The following DCC variants were observed in gnomAD, a reference collection of about 807,000 sequenced individuals.
DCC encodes the protein netrin receptor DCC.
Under a neutral mutation model 172.5 loss-of-function variants are expected in DCC, and 58 were observed. The ratio of observed to expected loss-of-function variants is 0.34; its 90% CI spans 0.27 to 0.42. The LOEUF (loss-of-function observed/expected upper bound fraction) is 0.42. DCC is among the 10% of genes least tolerant of loss of function. The pLI, the probability that DCC is intolerant of heterozygous loss-of-function variation, is 1.00. For missense variants in DCC, 1,740 were observed against 1,791.0 expected (o/e 0.97, Z 0.51); for synonymous variants, 709 against 644.5 (o/e 1.10, Z -1.52).
intron 7 of DCC, among the ~76,000 whole-genome samples, chr18:53,082,930 C>T (rs925093744): frequency 6.6e-6 from 1 of 152,010 alleles, no homozygotes; most frequent in African/African-American, 2.4e-5. Context: ...TGAAATTCTA[C>T]ATCTCACTGA....
intron 12 of DCC, among the ~76,000 whole-genome samples, chr18:53,295,576 A>C (rs1407400621): frequency 1.3e-5 from 2 of 152,142 alleles, no homozygotes; most frequent in African/African-American, 4.8e-5. Flanking sequence ...AAATGTTGCT[A>C]TTTTGTAATT....
At chr18:53,149,410 A>G (rs1422569605) in intron 7 of DCC, among the ~76,000 whole-genome samples, 6 of 152,216 alleles carry the variant, frequency 3.9e-5, no homozygotes, top group Admixed American at 3.9e-4. Context: ...AGGCCCAGAG[A>G]GGCTAAATAC....
intron 14 of DCC, among the ~76,000 whole-genome samples, chr18:53,337,459 T>G (rs745518743): frequency 6.6e-5 from 10 of 152,236 alleles, no homozygotes; most frequent in Non-Finnish European, 1.2e-4. Context: ...CCTTTTCATC[T>G]CTTTTATTAC....
At chr18:53,484,012 TATA>T (rs1568161431) in intron 25 of DCC, among the ~76,000 whole-genome samples, 6 of 142,480 alleles carry the variant, frequency 4.2e-5, no homozygotes, top group Admixed American at 1.4e-4. Context: ...GATAGATAGA[TATA>T]GTGTGTGTGT....
At chr18:53,238,431 G>A (rs189572333) in intron 12 of DCC, among the ~76,000 whole-genome samples, 1 of 152,216 alleles carries the variant, frequency 6.6e-6, no homozygotes, top group African/African-American at 2.4e-5. Flanking sequence ...AAAGTTTTAT[G>A]ATATACACAG....
Position 53,269,059 on chromosome 18 carries a change from G to A in DCC, c.1912-36519G>A, listed in dbSNP as rs78486602. Among the ~76,000 whole-genome samples, 1,081 of 152,182 alleles carry A rather than the reference G, an allele frequency of 7.1e-3. 2 individuals are homozygous for A. The highest frequency in any genetic ancestry group is 0.012 in the Non-Finnish European group (813 of 68,012). On this transcript the variant is annotated intron_variant, in intron 12 of 28. Coordinates refer to ENST00000442544, the MANE Select transcript of DCC (RefSeq NM_005215.4). ...GGGGCAAGTTTTACTCAAGTTTAGA[G>A]TTCACAACAATTATCCTGATAGATG...
At chr18:52,918,888 T>C (rs1033846562) in intron 3 of DCC, among the ~76,000 whole-genome samples, 1 of 152,196 alleles carries the variant, frequency 6.6e-6, no homozygotes, top group Non-Finnish European at 1.5e-5. Flanking sequence ...TTTATGTATA[T>C]ATTTCAGTTA....
rs776117215 is a variant in DCC, at chr18:52,923,780, T to C, written c.771T>C (p.Ala257=). ...TAGTAGCCATTGAAGGAAAAGATGC[T>C]GTCCTGGAATGTTGTGTTTCTGGCT... ...SNVVAIEGKD[A]VLECCVSGYP... is the part of the protein sequence containing the mutation. The change falls in exon 4 of 29, where the codon GCT becomes GCC. Residue 257 remains alanine, a synonymous_variant. Coordinates refer to ENST00000442544, the MANE Select transcript of DCC (RefSeq NM_005215.4). 6.8e-6 allele frequency: 11 copies of C among 1,612,658 alleles called. No individual in the cohort carries two copies. The African/African-American group carries it at 8.0e-5, about 12-fold the overall frequency.
chr18:53,425,647 C>T (rs1910886505), intron 21 of DCC, among the ~76,000 whole-genome samples: 1 of 152,080 alleles, frequency 6.6e-6, no homozygotes, highest in South Asian at 2.1e-4. Flanking sequence ...CAGGAATGAG[C>T]CACTGCTCCT....
At position 52,667,721 on chromosome 18, in the gene DCC, G is replaced by T. The variant is rs572594126; in HGVS notation, c.92-84333G>T. ...AGGCTTACCAACTGCTTCCCCTGGA[G>T]GGGGAAGAGCTGGAGGGTGAGCAGA... is the stretch of plus-strand genomic sequence containing the variant. On this transcript the variant is annotated intron_variant, in intron 1 of 28. Transcript: ENST00000442544. Among the ~76,000 whole-genome samples the T allele has an allele frequency of 4.6e-5, 7 of 152,316 alleles. No individual in the cohort carries two copies. The East Asian group carries it at 1.2e-3, about 25-fold the overall frequency.
Position 53,526,511 on chromosome 18 carries a change from A to G in DCC, c.4112-106A>G, listed in dbSNP as rs1249491425. 5.8e-6 allele frequency: 7 copies of G among 1,201,820 alleles called. No homozygotes were observed. In the Admixed American group the frequency reaches 8.5e-5, roughly 15 times the overall value. The allele number at this position is 1,201,820 out of a possible 1,614,324, so 74.4% of individuals were successfully genotyped here. On this transcript the variant is annotated intron_variant, in intron 27 of 28. Coordinates refer to ENST00000442544, the MANE Select transcript of DCC (RefSeq NM_005215.4). ...TCATCTTTACACTACAGAATGAGCA[A>G]TAACCTAAAATCAATGCCAATCTCC...
rs541335658 is a variant in DCC, at chr18:53,006,320, A to G, written c.986-56985A>G. Among the ~76,000 whole-genome samples the G allele has an allele frequency of 7.2e-5, 11 of 152,306 alleles. No homozygotes were observed. The South Asian group carries it at 2.3e-3, about 32-fold the overall frequency. ...TCTCCTACCTAGATTGATTAGAGCAATTATTCTTAAGCATGGCAATGCTCA... is the reference window on the plus strand; with the variant it reads ...TCTCCTACCTAGATTGATTAGAGCAGTTATTCTTAAGCATGGCAATGCTCA... On this transcript the variant is annotated intron_variant, in intron 5 of 28. Coordinates refer to ENST00000442544, the MANE Select transcript of DCC (RefSeq NM_005215.4).
At chr18:53,384,030 A>C (rs1381593636) in intron 15 of DCC, among the ~76,000 whole-genome samples, 1 of 152,178 alleles carries the variant, frequency 6.6e-6, no homozygotes, top group Non-Finnish European at 1.5e-5. Context: ...TAGCCATTAC[A>C]AAATAAAATA....
intron 4 of DCC, 54 bp downstream of exon 4, chr18:52,923,911 G>A: frequency 1.5e-6 from 2 of 1,295,376 alleles, no homozygotes; most frequent in Middle Eastern, 1.8e-4. Context: ...GGTATATGCT[G>A]CTATTTATAT....
At chr18:52,590,880 G>A (rs2030580538) in intron 1 of DCC, among the ~76,000 whole-genome samples, 1 of 152,142 alleles carries the variant, frequency 6.6e-6, no homozygotes, top group African/African-American at 2.4e-5. Flanking sequence ...CTTTTTCCTA[G>A]TTAAAAGACC....
At chr18:52,417,171 T>C (rs907093416) in intron 1 of DCC, among the ~76,000 whole-genome samples, 19 of 152,094 alleles carry the variant, frequency 1.2e-4, no homozygotes, top group Non-Finnish European at 1.3e-4. Context: ...GGTTGAAAAT[T>C]CTTTTCTTTA....
intron 1 of DCC, among the ~76,000 whole-genome samples, chr18:52,591,073 TTA>T (rs1465379074): frequency 6.6e-6 from 1 of 152,202 alleles, no homozygotes; most frequent in Admixed American, 6.5e-5. Flanking sequence ...TTTTATCTTT[TTA>T]TTTATGGAAA....
At chr18:53,179,434 C>T (rs2055161067) in intron 9 of DCC, among the ~76,000 whole-genome samples, 1 of 152,152 alleles carries the variant, frequency 6.6e-6, no homozygotes, top group Non-Finnish European at 1.5e-5. Flanking sequence ...GTTTCAGCCT[C>T]CTCTGTTGAA....
chr18:52,986,727 T>TAC (rs979030328), intron 5 of DCC, among the ~76,000 whole-genome samples: 5 of 151,854 alleles, frequency 3.3e-5, no homozygotes, highest in Non-Finnish European at 5.9e-5. Flanking sequence ...GCTATATATA[T>TAC]ACACACACAC....
Sources: allele counts gnomAD v4.1 joint callset (sites outside exome capture counted in the v4.1 genomes callset), GRCh38; gene constraint gnomAD v4.1.1; transcripts MANE v1.5; gene names NCBI Gene and HGNC (gene_info 2026-07-23, HGNC 2026-07-21).